Variants in SENP1 observed in about 807,000 individuals in gnomAD.
SENP1 encodes the protein sentrin-specific protease 1.
In SENP1, 21 loss-of-function variants were observed where a neutral mutation model predicts 93.0. The observed-to-expected ratio is 0.23, with a 90% CI of 0.16 to 0.33. SENP1 has a LOEUF of 0.33. Ranked by LOEUF, SENP1 falls within the 10% of genes least tolerant of loss-of-function variation. The pLI is 1.00. For missense variants in SENP1, 591 were observed against 758.7 expected (o/e 0.78, Z 2.60); for synonymous variants, 256 against 259.6 (o/e 0.99, Z 0.13).
chr12:48,057,558 A>T (rs1942637622), intron 13 of SENP1, among the ~76,000 whole-genome samples: 1 of 100,256 alleles, frequency 1.0e-5, no homozygotes, highest in South Asian at 3.0e-4. Context: ...ATGTAAAAAT[A>T]TATTATTTAT....
intron 13 of SENP1, among the ~76,000 whole-genome samples, chr12:48,050,097 G>A (rs572124109): frequency 1.3e-5 from 2 of 152,310 alleles, no homozygotes; most frequent in Non-Finnish European, 2.9e-5. Flanking sequence ...GGAAGTTACT[G>A]CATACTTACT....
At chr12:48,101,141 C>T (rs1565814405) in intron 2 of SENP1, among the ~76,000 whole-genome samples, 1 of 152,074 alleles carries the variant, frequency 6.6e-6, no homozygotes, top group Non-Finnish European at 1.5e-5. Context: ...CGAAAATCAG[C>T]CGGACGTGGT....
chr12:48,095,013 T>C (rs561690694), intron 4 of SENP1, among the ~76,000 whole-genome samples: 2 of 152,274 alleles, frequency 1.3e-5, no homozygotes, highest in South Asian at 4.1e-4. Flanking sequence ...TTTGAGAAAA[T>C]TGATTGATTT....
intron 6 of SENP1, among the ~76,000 whole-genome samples, chr12:48,079,175 TAAAG>T (rs1592401944): frequency 1.3e-5 from 2 of 151,372 alleles, no homozygotes; most frequent in East Asian, 3.9e-4. Flanking sequence ...AAATTAAAAT[TAAAG>T]AAAGCCCTAA....
chr12:48,057,389 C>T (rs1016039887), intron 13 of SENP1, among the ~76,000 whole-genome samples: 2 of 147,466 alleles, frequency 1.4e-5, no homozygotes, highest in African/African-American at 2.5e-5. Flanking sequence ...GCCACCACAC[C>T]TGGCTAATTT....
intron 13 of SENP1, among the ~76,000 whole-genome samples, chr12:48,054,325 C>T (rs1329781280): frequency 6.6e-6 from 1 of 152,148 alleles, no homozygotes; most frequent in Non-Finnish European, 1.5e-5. Flanking sequence ...GGTTGCTAAG[C>T]CTTCTTGATG....
chr12:48,043,367 C>T lies in SENP1; in HGVS notation c.*1955G>A, dbSNP rs1294768804. 1 of 152,628 alleles carries T rather than the reference C, an allele frequency of 6.6e-6. No individual in the cohort carries two copies. The highest frequency in any genetic ancestry group is 1.5e-5 in the Non-Finnish European group (1 of 68,030). The allele number at this position is 152,628 out of a possible 1,614,324, so 9.5% of individuals were successfully genotyped here. ...AATAAATACAGAGAACAATCTTGTTCTGAGTCCCCCAGACAATAGTGAAAG... is the reference window on the plus strand; with the variant it reads ...AATAAATACAGAGAACAATCTTGTTTTGAGTCCCCCAGACAATAGTGAAAG... On this transcript the variant is annotated 3_prime_UTR_variant, in exon 18 of 18. Coordinates refer to ENST00000549518, the MANE Select transcript of SENP1 (RefSeq NM_001267594.2).
chr12:48,099,506 AAAG>A (rs373288896), intron 2 of SENP1, among the ~76,000 whole-genome samples: 160 of 152,224 alleles, frequency 1.1e-3, no homozygotes, highest in African/African-American at 3.7e-3. Context: ...GTTTTAACAC[AAAG>A]AAGTGCTTTA....
At chr12:48,104,855 G>A (rs1441597352) in intron 1 of SENP1, among the ~76,000 whole-genome samples, 1 of 152,138 alleles carries the variant, frequency 6.6e-6, no homozygotes, top group African/African-American at 2.4e-5. Context: ...TTTGCAGTTG[G>A]GATAATTAAT....
At chr12:48,077,277 T>A (rs1944160150) in intron 6 of SENP1, among the ~76,000 whole-genome samples, 1 of 152,226 alleles carries the variant, frequency 6.6e-6, no homozygotes, top group South Asian at 2.1e-4. Context: ...TTTGATGTAC[T>A]CCCATGTGCC....
chr12:48,085,303 A>C, intron 5 of SENP1: 2 of 1,507,112 alleles, frequency 1.3e-6, no homozygotes, highest in South Asian at 1.1e-5. Context: ...CTGGACACCC[A>C]CCAGCACTCT....
At chr12:48,096,733 GGCGTGAGCCACC>G (rs1187195586) in intron 3 of SENP1, among the ~76,000 whole-genome samples, 4 of 152,158 alleles carry the variant, frequency 2.6e-5, no homozygotes. Context: ...TGGGATTACA[GGCGTGAGCCACC>G]GCGCCCGGCC....
Position 48,096,344 on chromosome 12 carries a change from T to C in SENP1, c.219A>G (p.Ser73=). 1 of 1,579,720 alleles carries C rather than the reference T, an allele frequency of 6.3e-7. No individual in the cohort carries two copies. Among genetic ancestry groups the C allele is most frequent in the Non-Finnish European group, 8.7e-7 (1 of 1,149,710 alleles). ...TTGACTCCAAGTAATGTGTCATACC[T>C]GAGTAATAGCTTGGATTATAAGCTG... The part of the protein sequence containing the change: ...RSAAYNPSYY[S]DNPSSDSFLG... Residue 73 remains serine, a splice_region_variant and synonymous_variant, in exon 4 of 18, where the codon TCA becomes TCG. Transcript: ENST00000549518.
intron 9 of SENP1, among the ~76,000 whole-genome samples, chr12:48,070,274 A>G (rs964580078): frequency 6.6e-6 from 1 of 152,196 alleles, no homozygotes; most frequent in African/African-American, 2.4e-5. Flanking sequence ...CCATATTTCC[A>G]TATGGCTCCC....
rs1941189629 is a variant in SENP1, at chr12:48,044,129, T to G, written c.*1193A>C. 6.7e-6 allele frequency: 1 copy of G among 149,286 alleles called. No homozygotes were observed. The highest frequency in any genetic ancestry group is 2.1e-4 in the South Asian group (1 of 4,734). 9.2% of individuals were successfully genotyped at this position (149,286 alleles called of 1,614,324 possible). The stretch of plus-strand genomic sequence containing the variant: ...GTTGATCAGTCCAAACTCCACCCGT[T>G]TTTTTTTTTAGCTGAAAATATCACC... On this transcript the variant is annotated 3_prime_UTR_variant, in exon 18 of 18. Coordinates refer to ENST00000549518, the MANE Select transcript of SENP1 (RefSeq NM_001267594.2).
At chr12:48,105,814 G>A (rs1436443920) in intron 1 of SENP1, 1 of 594,804 alleles carries the variant, frequency 1.7e-6, no homozygotes, top group Non-Finnish European at 3.0e-6. Flanking sequence ...GCCTCAGGTA[G>A]CCTAACGGCC....
intron 12 of SENP1, among the ~76,000 whole-genome samples, chr12:48,064,544 G>C (rs1943169342): frequency 6.6e-6 from 1 of 152,170 alleles, no homozygotes; most frequent in Admixed American, 6.5e-5. Context: ...CTTCTTCACT[G>C]AAACTGTTAA....
At chr12:48,070,151 T>C (rs780974742) in intron 9 of SENP1, among the ~76,000 whole-genome samples, 9 of 152,200 alleles carry the variant, frequency 5.9e-5, no homozygotes, top group Non-Finnish European at 1.0e-4. Context: ...ACAGACAAAG[T>C]TGAGGTACGG....
At chr12:48,059,391 T>A (rs1246847921) in intron 13 of SENP1, among the ~76,000 whole-genome samples, 1 of 152,202 alleles carries the variant, frequency 6.6e-6, no homozygotes, top group African/African-American at 2.4e-5. Flanking sequence ...CTACCTTATA[T>A]ATTTTTATTT....
Sources: gnomAD v4.1 joint callset for allele counts (sites outside exome capture counted in the v4.1 genomes callset) on GRCh38, gnomAD v4.1.1 for gene constraint, MANE v1.5 for transcripts, NCBI Gene and HGNC (gene_info 2026-07-23, HGNC 2026-07-21) for gene names.